SLC41A2: variants seen among roughly 807,000 people sequenced by gnomAD.
The protein encoded by SLC41A2 is solute carrier family 41 member 2, also known as SLC41A1-like 1.
SLC41A2 carries 32 observed loss-of-function variants against 58.3 expected under a neutral mutation model. That is an observed-to-expected ratio of 0.55 (90% CI 0.41 to 0.74). SLC41A2 has a LOEUF of 0.74. Ranked by LOEUF, SLC41A2 falls within the 30% of genes least tolerant of loss-of-function variation. The pLI is 0.00. For missense variants in SLC41A2, 514 were observed against 680.6 expected (o/e 0.76, Z 2.72); for synonymous variants, 190 against 235.0 (o/e 0.81, Z 1.75).
intron 10 of SLC41A2, among the ~76,000 whole-genome samples, chr12:104,809,579 A>C (rs549546528): frequency 2.6e-5 from 4 of 152,290 alleles, no homozygotes; most frequent in African/African-American, 9.6e-5. Context: ...TGCTAGGACA[A>C]TGTGTTTTGG....
chr12:104,886,710 G>T (rs1270912292), intron 5 of SLC41A2, among the ~76,000 whole-genome samples: 6 of 151,938 alleles, frequency 3.9e-5, no homozygotes, highest in Non-Finnish European at 7.4e-5. Context: ...TAAAATTTCA[G>T]ATTTAGTGAC....
chr12:104,831,464 A>G (rs2042033896), intron 10 of SLC41A2, among the ~76,000 whole-genome samples: 1 of 152,186 alleles, frequency 6.6e-6, no homozygotes, highest in Non-Finnish European at 1.5e-5. Context: ...TTAACAATGG[A>G]CCACATAGAT....
chr12:104,930,513 C>G (rs1244714831), intron 1 of SLC41A2, among the ~76,000 whole-genome samples: 1 of 152,154 alleles, frequency 6.6e-6, no homozygotes, highest in African/African-American at 2.4e-5. Context: ...CCCAATAGAT[C>G]TTTAATCAAA....
chr12:104,891,671 C>T (rs2044980037), intron 4 of SLC41A2, among the ~76,000 whole-genome samples: 1 of 151,548 alleles, frequency 6.6e-6, no homozygotes, highest in African/African-American at 2.4e-5. Context: ...GTTTTTTTAA[C>T]ATACTACTAG....
rs938281663 is a variant in SLC41A2, at chr12:104,802,771, T to C, written c.*2381A>G. On this transcript the variant is annotated 3_prime_UTR_variant, in exon 11 of 11. Coordinates refer to ENST00000258538, the MANE Select transcript of SLC41A2 (RefSeq NM_001352171.3). ...CGGAGGTTTCTTTGTCTGAAATCCATAAAATGTAGTAATACTCTATTGTAC... is the reference window on the plus strand; with the variant it reads ...CGGAGGTTTCTTTGTCTGAAATCCACAAAATGTAGTAATACTCTATTGTAC... 5 of 152,176 alleles carry C rather than the reference T, an allele frequency of 3.3e-5. No homozygotes were observed. Among genetic ancestry groups the C allele is most frequent in the African/African-American group, 4.8e-5 (2 of 41,458 alleles). The allele number at this position is 152,176 out of a possible 1,614,324, so 9.4% of individuals were successfully genotyped here. A position where few individuals can be genotyped will look rare whatever the true frequency, so the allele number is the denominator to read the frequency against.
chr12:104,893,499 G>C (rs776855788), intron 4 of SLC41A2, among the ~76,000 whole-genome samples: 2 of 152,168 alleles, frequency 1.3e-5, no homozygotes, highest in African/African-American at 2.4e-5. Flanking sequence ...AAATCCTACT[G>C]CTGAGTATAT....
intron 5 of SLC41A2, 47 bp from the exon 6 acceptor site, chr12:104,886,486 A>G: frequency 6.3e-7 from 1 of 1,588,152 alleles, no homozygotes; most frequent in Non-Finnish European, 8.6e-7. Context: ...ATTTAAAGAA[A>G]ATCAATCCCC....
chr12:104,936,114 CAT>C (rs1440877325), intron 1 of SLC41A2, among the ~76,000 whole-genome samples: 1 of 151,924 alleles, frequency 6.6e-6, no homozygotes. Flanking sequence ...GCATTAGCCA[CAT>C]GTTTGTGGTG....
chr12:104,925,533 G>C (rs1301443410), intron 2 of SLC41A2, among the ~76,000 whole-genome samples: 1 of 151,508 alleles, frequency 6.6e-6, no homozygotes, highest in Non-Finnish European at 1.5e-5. Context: ...AGTCCGGCCT[G>C]GGTGAAAGAG....
intron 2 of SLC41A2, among the ~76,000 whole-genome samples, chr12:104,918,791 T>G (rs78287963): frequency 0.053 from 8,072 of 152,158 alleles, 290 homozygotes; most frequent in East Asian, 0.11. Context: ...ATTAAACTTT[T>G]TATTTTGAAG....
intron 1 of SLC41A2, among the ~76,000 whole-genome samples, chr12:104,944,546 T>C (rs192241691): frequency 1.8e-4 from 28 of 152,326 alleles, no homozygotes; most frequent in Admixed American, 1.6e-3. Context: ...TAACTCTGAG[T>C]TCTTTACTCC....
At chr12:104,884,508 C>A (rs1217840982) in intron 6 of SLC41A2, among the ~76,000 whole-genome samples, 2 of 152,102 alleles carry the variant, frequency 1.3e-5, no homozygotes, top group African/African-American at 2.4e-5. Context: ...TATAGGGTAA[C>A]CTGTCCCAGA....
chr12:104,876,873 G>C (rs552016012), intron 6 of SLC41A2, among the ~76,000 whole-genome samples: 142 of 152,188 alleles, frequency 9.3e-4, no homozygotes, highest in Non-Finnish European at 1.7e-3. Context: ...GTTGAAAGTG[G>C]GGTACTGAAG....
At chr12:104,925,470 A>G (rs1160721248) in intron 2 of SLC41A2, among the ~76,000 whole-genome samples, 1 of 152,124 alleles carries the variant, frequency 6.6e-6, no homozygotes, top group African/African-American at 2.4e-5. Context: ...AGGCAGGAGA[A>G]CGGTATGAAC....
At chr12:104,950,834 C>G (rs1452578796) in intron 1 of SLC41A2, among the ~76,000 whole-genome samples, 2 of 140,006 alleles carry the variant, frequency 1.4e-5, no homozygotes, top group Non-Finnish European at 3.1e-5. Context: ...AACTCCTTCT[C>G]GGTTTAAAAA....
At chr12:104,864,347 C>T (rs777758378) in intron 7 of SLC41A2, among the ~76,000 whole-genome samples, 2 of 152,144 alleles carry the variant, frequency 1.3e-5, no homozygotes, top group African/African-American at 2.4e-5. Context: ...TTCTCTTACA[C>T]GTGGTTGATA....
Position 104,803,678 on chromosome 12 carries a change from G to T in SLC41A2, c.*1474C>A, listed in dbSNP as rs1455011511. 6.6e-6 allele frequency: 1 copy of T among 152,010 alleles called. No individual in the cohort carries two copies. Among genetic ancestry groups the T allele is most frequent in the Non-Finnish European group, 1.5e-5 (1 of 68,000 alleles). 9.4% of individuals were successfully genotyped at this position (152,010 alleles called of 1,614,324 possible). ...ATGAACCACATGTACTTTAAAAATG[G>T]TTACCTATTCAATAACTAAGGTGTT... On this transcript the variant is annotated 3_prime_UTR_variant, in exon 11 of 11. Transcript: ENST00000258538.
chr12:104,942,013 C>A (rs575931147), intron 1 of SLC41A2, among the ~76,000 whole-genome samples: 31 of 152,156 alleles, frequency 2.0e-4, no homozygotes, highest in African/African-American at 7.0e-4. Flanking sequence ...GACAAGTCAA[C>A]CAGTAGATGG....
chr12:104,842,559 C>A (rs1007071707), intron 10 of SLC41A2, among the ~76,000 whole-genome samples: 1 of 152,052 alleles, frequency 6.6e-6, no homozygotes, highest in Non-Finnish European at 1.5e-5. Flanking sequence ...TATAAACACA[C>A]TTTATATAAA....
Sources: gnomAD v4.1 joint callset for allele counts (sites outside exome capture counted in the v4.1 genomes callset) on GRCh38, gnomAD v4.1.1 for gene constraint, MANE v1.5 for transcripts, NCBI Gene and HGNC (gene_info 2026-07-23, HGNC 2026-07-21) for gene names.